ANKRD30BL: variants seen among roughly 807,000 people sequenced by gnomAD.
ANKRD30BL encodes the protein ankyrin repeat domain 30B like, also known as putative ankyrin repeat domain-containing protein 30B-like.
ANKRD30BL carries 20 observed loss-of-function variants against 18.4 expected under a neutral mutation model. The observed-to-expected ratio is 1.09, with a 90% CI of 0.77 to 1.58. The LOEUF is 1.58. Among genes scored for constraint, ANKRD30BL ranks in the 40% most tolerant of loss-of-function variants. The pLI is 0.00. For missense variants in ANKRD30BL, 224 were observed against 268.6 expected, an observed-to-expected ratio of 0.83 and a Z score of 1.16; for synonymous variants, 72 against 100.9, an observed-to-expected ratio of 0.71 and a Z score of 1.72.
At chr2:132,155,025 A>G (rs902501778) in intron 3 of ANKRD30BL, 2 of 295,820 alleles carry the variant, frequency 6.8e-6, no homozygotes, top group African/African-American at 2.2e-5. Flanking sequence ...ATGTAAACCA[A>G]GAGCTTCTTG....
intron 1 of ANKRD30BL, among the ~76,000 whole-genome samples, chr2:132,171,550 T>C (rs1229840099): frequency 1.3e-5 from 2 of 152,220 alleles, no homozygotes; most frequent in Non-Finnish European, 2.9e-5. Context: ...GAAAAACTGC[T>C]CTGGAGTGCA....
At chr2:132,205,703 A>C (rs1393704165) in intron 1 of ANKRD30BL, among the ~76,000 whole-genome samples, 2 of 152,028 alleles carry the variant, frequency 1.3e-5, no homozygotes, top group Middle Eastern at 3.2e-3. Flanking sequence ...AAGGAAGTCA[A>C]GGTAGAAGGA....
chr2:132,214,276 C>A (rs570306954), intron 1 of ANKRD30BL, among the ~76,000 whole-genome samples: 1 of 151,924 alleles, frequency 6.6e-6, no homozygotes, highest in Non-Finnish European at 1.5e-5. Flanking sequence ...TTTGTAGAAT[C>A]GGCAAGTGGA....
chr2:132,253,653 G>A (rs1341549079), intron 1 of ANKRD30BL, among the ~76,000 whole-genome samples: 4 of 152,082 alleles, frequency 2.6e-5, no homozygotes, highest in African/African-American at 7.2e-5. Flanking sequence ...GACGGAGTCG[G>A]CAGGGGAGGC....
At chr2:132,248,119 G>C (rs545513429) in intron 1 of ANKRD30BL, among the ~76,000 whole-genome samples, 149 of 152,080 alleles carry the variant, frequency 9.8e-4, no homozygotes, top group African/African-American at 3.5e-3. Context: ...TTCACCATAG[G>C]CCTCAAACAG....
At chr2:132,198,612 A>C (rs1052096844) in intron 1 of ANKRD30BL, among the ~76,000 whole-genome samples, 13 of 145,806 alleles carry the variant, frequency 8.9e-5, no homozygotes, top group South Asian at 2.2e-4. Flanking sequence ...CATGAGCCAC[A>C]GCGCCCAGCC....
At chr2:132,166,362 A>G (rs1245444018), upstream of ANKRD30BL, among the ~76,000 whole-genome samples, 2 of 142,654 alleles carry the variant, frequency 1.4e-5, no homozygotes, top group African/African-American at 5.1e-5. Context: ...TCTGTGGAAA[A>G]TTGGTATAAT....
intron 1 of ANKRD30BL, among the ~76,000 whole-genome samples, chr2:132,233,159 C>T (rs1362574744): frequency 6.6e-6 from 1 of 151,340 alleles, no homozygotes; most frequent in Non-Finnish European, 1.5e-5. Flanking sequence ...ACCACCAGGC[C>T]TGCCCTAAAA....
intron 1 of ANKRD30BL, among the ~76,000 whole-genome samples, chr2:132,199,687 T>C (rs1446914823): frequency 6.6e-6 from 1 of 152,024 alleles, no homozygotes; most frequent in Non-Finnish European, 1.5e-5. Flanking sequence ...TTTCTTTATA[T>C]ACTTTTATTT....
At chr2:132,157,932 G>A (rs1396306308) in intron 1 of ANKRD30BL, among the ~76,000 whole-genome samples, 2 of 152,078 alleles carry the variant, frequency 1.3e-5, no homozygotes, top group African/African-American at 4.8e-5. Context: ...TGTTTTAAAG[G>A]TTAGAGATAA....
At chr2:132,228,938 T>C (rs971502572) in intron 1 of ANKRD30BL, among the ~76,000 whole-genome samples, 1 of 151,922 alleles carries the variant, frequency 6.6e-6, no homozygotes, top group African/African-American at 2.4e-5. Context: ...AAAGGAATTA[T>C]CTTCACATAA....
rs1679624732 is a variant in ANKRD30BL, at chr2:132,219,959, TG to T, written n.441+37569del. Among the ~76,000 whole-genome samples, 3 of 152,142 alleles carry T rather than the reference TG, an allele frequency of 2.0e-5. No homozygotes were observed. The South Asian group carries it at 6.2e-4, about 32-fold the overall frequency. The stretch of plus-strand genomic sequence containing the variant: ...TTTGCAGAATCTGCAAGTGGACATT[TG>T]GAGCGCCTTGAGGCCTATGGTGGAA... On this transcript the variant is annotated intron_variant and non_coding_transcript_variant, in intron 1 of 4. Transcript: ENST00000470729.
At chr2:132,228,369 G>C (rs2104779281) in intron 1 of ANKRD30BL, among the ~76,000 whole-genome samples, 1 of 152,166 alleles carries the variant, frequency 6.6e-6, no homozygotes. Context: ...CACTCTTTTT[G>C]TGGAATCTGC....
At chr2:132,185,630 G>C (rs1052021532) in intron 1 of ANKRD30BL, among the ~76,000 whole-genome samples, 10 of 152,180 alleles carry the variant, frequency 6.6e-5, no homozygotes, top group African/African-American at 2.4e-4. Flanking sequence ...GACTGTGACA[G>C]GAGATTATGT....
At chr2:132,226,721 CT>C (rs1679856838) in intron 1 of ANKRD30BL, among the ~76,000 whole-genome samples, 1 of 150,466 alleles carries the variant, frequency 6.6e-6, no homozygotes, top group African/African-American at 2.4e-5. Flanking sequence ...CAGAAGAATC[CT>C]GAGAAACTTC....
chr2:132,252,429 G>A (rs2104810128), intron 1 of ANKRD30BL, among the ~76,000 whole-genome samples: 1 of 152,274 alleles, frequency 6.6e-6, no homozygotes, highest in East Asian at 1.9e-4. Context: ...GCATCCAGTG[G>A]ATCACCACCA....
intron 1 of ANKRD30BL, among the ~76,000 whole-genome samples, chr2:132,168,346 T>G (rs1319974809): frequency 6.6e-6 from 1 of 152,200 alleles, no homozygotes; most frequent in Non-Finnish European, 1.5e-5. Flanking sequence ...TTGTGTATTT[T>G]GAATAATGGC....
chr2:132,180,151 C>T (rs531970104), intron 1 of ANKRD30BL, among the ~76,000 whole-genome samples: 149 of 152,062 alleles, frequency 9.8e-4, no homozygotes, highest in African/African-American at 3.3e-3. Flanking sequence ...TCACCACTCA[C>T]TCACTTACCC....
chr2:132,221,267 T>G, intron 1 of ANKRD30BL, among the ~76,000 whole-genome samples: 1 of 136,564 alleles, frequency 7.3e-6, no homozygotes, highest in African/African-American at 2.9e-5. Context: ...CCGCCCCTAC[T>G]GGGAAGTGAG....
Sources: gnomAD v4.1 joint callset for allele counts (sites outside exome capture counted in the v4.1 genomes callset) on GRCh38, gnomAD v4.1.1 for gene constraint, MANE v1.5 for transcripts, NCBI Gene and HGNC (gene_info 2026-07-23, HGNC 2026-07-21) for gene names.